PLEKHA8: variants seen among roughly 807,000 people sequenced by gnomAD.
PLEKHA8 encodes pleckstrin homology domain containing A8, also known as pleckstrin homology domain-containing family A member 8.
PLEKHA8 carries 36 observed loss-of-function variants against 68.2 expected under a neutral mutation model. The ratio of observed to expected loss-of-function variants is 0.53; its 90% CI spans 0.40 to 0.70. PLEKHA8 has a LOEUF of 0.70. PLEKHA8 is among the 30% of genes least tolerant of loss of function. The pLI, the probability that PLEKHA8 is intolerant of heterozygous loss-of-function variation, is 0.00. For missense variants in PLEKHA8, 505 were observed against 615.4 expected (o/e 0.82, Z 1.90); for synonymous variants, 211 against 216.1 (o/e 0.98, Z 0.20).
chr7:30,060,872 CTT>C lies in PLEKHA8; in HGVS notation c.1040-9_1040-8del. ...TTGCTTTTTCAGAAATGTTTTTAAT[CTT>C]TTCTTCTAGACAAACTTGGCCCTAC... On this transcript the variant is annotated splice_polypyrimidine_tract_variant and intron_variant, in intron 9 of 13. Transcript: ENST00000449726. 6.2e-7 allele frequency: 1 copy of C among 1,606,164 alleles called. No individual in the cohort carries two copies.
At chr7:30,120,231 T>C (rs887368207) in intron 13 of PLEKHA8, among the ~76,000 whole-genome samples, 7 of 150,998 alleles carry the variant, frequency 4.6e-5, no homozygotes, top group Admixed American at 6.6e-5. Context: ...TTAGACAAAT[T>C]AAATTTAACA....
chr7:30,096,691 T>C (rs1011104659), intron 13 of PLEKHA8, among the ~76,000 whole-genome samples: 2 of 152,202 alleles, frequency 1.3e-5, no homozygotes, highest in Non-Finnish European at 2.9e-5. Flanking sequence ...TAGATCTTCC[T>C]CCATCCCTTT....
chr7:30,091,109 C>T, downstream of PLEKHA8, among the ~76,000 whole-genome samples: 1 of 152,138 alleles, frequency 6.6e-6, no homozygotes. Flanking sequence ...GGCTGCAGGC[C>T]ACTGCCCTCC....
rs549630565 is a variant in PLEKHA8, at chr7:30,041,130, A to G, written c.41-3955A>G. ...AGTTTCCCAGCACTGGACATTATGA[A>G]AGACCAGTGTGTCCTAATACTAATC... On this transcript the variant is annotated intron_variant, in intron 1 of 13. Transcript: ENST00000449726. Among the ~76,000 whole-genome samples, 4 of 152,324 alleles carry G rather than the reference A, an allele frequency of 2.6e-5. 1 individual carries two copies. Among genetic ancestry groups the G allele is most frequent in the African/African-American group, 9.6e-5 (4 of 41,576 alleles).
In PLEKHA8 at chr7:30,115,692, A is replaced by G. The variant is rs181247908; in HGVS notation, c.1363-13574A>G. Among the ~76,000 whole-genome samples the G allele has an allele frequency of 4.7e-5, 7 of 148,330 alleles. No individual in the cohort carries two copies. In the South Asian group the frequency reaches 8.5e-4, roughly 18 times the overall value. ...TGTATACATACGCACATACATGCAT[A>G]CACGTATACATGTATACATACGCGC... On this transcript the variant is annotated intron_variant, in intron 13 of 13. Coordinates refer to the PLEKHA8 transcript ENST00000396257.
downstream of PLEKHA8, among the ~76,000 whole-genome samples, chr7:30,095,190 T>C (rs1358768092): frequency 6.6e-6 from 1 of 152,216 alleles, no homozygotes; most frequent in African/African-American, 2.4e-5. Context: ...GCACCTGTTG[T>C]TTCCTGACTT....
chr7:30,129,314 T>C, exon 14 of PLEKHA8: 1 of 1,612,692 alleles, frequency 6.2e-7, no homozygotes, highest in Non-Finnish European at 8.5e-7. Context: ...TCATGGACCA[T>C]GAGGCAACTC....
At chr7:30,038,510 G>A (rs1010117176) in intron 1 of PLEKHA8, among the ~76,000 whole-genome samples, 1 of 152,310 alleles carries the variant, frequency 6.6e-6, no homozygotes, top group African/African-American at 2.4e-5. Context: ...CAAGGGTAAA[G>A]GGAGAGGGGA....
Position 30,081,439 on chromosome 7 carries a change from T to G in PLEKHA8, c.*2652T>G. 1 of 984,682 alleles carries G rather than the reference T, an allele frequency of 1.0e-6. No homozygotes were observed. The allele number at this position is 984,682 out of a possible 1,614,324, so 61.0% of individuals were successfully genotyped here. Reference sequence around the variant, plus strand: ...ACCTGAACCTTGGCATAGTCAGAGCTTCCTCCTACATCTAAAGTATTTGCT... The same window carrying G: ...ACCTGAACCTTGGCATAGTCAGAGCGTCCTCCTACATCTAAAGTATTTGCT... On this transcript the variant is annotated 3_prime_UTR_variant, in exon 14 of 14. Coordinates refer to ENST00000449726, the MANE Select transcript of PLEKHA8 (RefSeq NM_001197026.2).
chr7:30,073,809 G>A (rs187308497), intron 12 of PLEKHA8, among the ~76,000 whole-genome samples: 28 of 151,928 alleles, frequency 1.8e-4, no homozygotes, highest in African/African-American at 5.8e-4. Context: ...GCAACATAGC[G>A]AGACCTCATC....
chr7:30,050,324 G>T, intron 5 of PLEKHA8, 110 bp from the exon 6 acceptor site: 1 of 1,377,736 alleles, frequency 7.3e-7, no homozygotes, highest in African/African-American at 1.5e-5. Context: ...TGGGGCTAGT[G>T]TATTTTATGG....
chr7:30,043,528 G>A (rs1373367166), intron 1 of PLEKHA8, among the ~76,000 whole-genome samples: 1 of 152,208 alleles, frequency 6.6e-6, no homozygotes, highest in Non-Finnish European at 1.5e-5. Context: ...TTATGGGAGA[G>A]TGGATGCTGG....
downstream of PLEKHA8, chr7:30,129,586 A>T: frequency 2.2e-6 from 1 of 461,910 alleles, no homozygotes; most frequent in South Asian, 2.8e-5. Context: ...ATACTTCTAC[A>T]TGCATTATAG....
chr7:30,122,608 A>C lies in PLEKHA8; in HGVS notation c.1363-6658A>C, dbSNP rs1421571490. ...GAATATCTCCATCTCCATAAGACATAACGTTTGTGATGGCTCACTCTGCTC... is the reference window on the plus strand; with the variant it reads ...GAATATCTCCATCTCCATAAGACATCACGTTTGTGATGGCTCACTCTGCTC... On this transcript the variant is annotated intron_variant, in intron 13 of 13. Transcript: ENST00000396257. 9.2e-5 allele frequency among the ~76,000 whole-genome samples: 14 copies of C among 152,202 alleles called. No individual in the cohort carries two copies. The East Asian group carries it at 2.5e-3, about 27-fold the overall frequency.
chr7:30,081,369 A>T lies in PLEKHA8; in HGVS notation c.*2582A>T. ...CTGAGGATCCTTAAATAAAAATATT[A>T]GAAATTAGAAATTGAACCTAATACT... On this transcript the variant is annotated 3_prime_UTR_variant, in exon 14 of 14. Coordinates refer to ENST00000449726, the MANE Select transcript of PLEKHA8 (RefSeq NM_001197026.2). The T allele has an allele frequency of 1.0e-6, 1 of 984,218 alleles. No homozygotes were observed. The allele number at this position is 984,218 out of a possible 1,614,324, so 61.0% of individuals were successfully genotyped here. A position where few individuals can be genotyped will look rare whatever the true frequency, so the allele number is the denominator to read the frequency against.
chr7:30,101,448 G>A (rs953663167), intron 13 of PLEKHA8, among the ~76,000 whole-genome samples: 1 of 152,084 alleles, frequency 6.6e-6, no homozygotes, highest in African/African-American at 2.4e-5. Flanking sequence ...TCTGGTGAGG[G>A]CTCTCTTCCA....
downstream of PLEKHA8, among the ~76,000 whole-genome samples, chr7:30,094,195 T>G (rs1349874787): frequency 6.6e-6 from 1 of 152,208 alleles, no homozygotes; most frequent in African/African-American, 2.4e-5. Flanking sequence ...TCATACTTAA[T>G]GTCTTTTTCT....
intron 6 of PLEKHA8, among the ~76,000 whole-genome samples, chr7:30,051,822 A>C (rs1792432964): frequency 1.3e-5 from 2 of 152,128 alleles, no homozygotes; most frequent in African/African-American, 4.8e-5. Flanking sequence ...AAAATGCAAA[A>C]ATTAACTGGG....
At chr7:30,044,695 T>A (rs568122189) in intron 1 of PLEKHA8, among the ~76,000 whole-genome samples, 1 of 152,374 alleles carries the variant, frequency 6.6e-6, no homozygotes, top group South Asian at 2.1e-4. Flanking sequence ...GTGATAACAG[T>A]ATGTTCAGGA....
Sources: allele counts gnomAD v4.1 joint callset (sites outside exome capture counted in the v4.1 genomes callset), GRCh38; gene constraint gnomAD v4.1.1; transcripts MANE v1.5; gene names NCBI Gene and HGNC (gene_info 2026-07-23, HGNC 2026-07-21).